Variants in OSBPL3 observed in about 807,000 individuals in gnomAD.
OSBPL3 encodes oxysterol binding protein like 3, also known as oxysterol-binding protein-related protein 3.
A neutral mutation model predicts 120.1 loss-of-function variants in OSBPL3; 65 were observed. The observed-to-expected ratio is 0.54, with a 90% CI of 0.44 to 0.67. The LOEUF (loss-of-function observed/expected upper bound fraction) is 0.67, where lower values mean the gene tolerates loss of function less well. Ranked by LOEUF, OSBPL3 falls within the 30% of genes least tolerant of loss-of-function variation. OSBPL3 has a pLI of 0.00. For synonymous variants in OSBPL3, 416 were observed against 402.6 expected (o/e 1.03, Z -0.40); for missense variants, 1,004 against 1,082.1 (o/e 0.93, Z 1.01).
Position 24,871,854 on chromosome 7 carries a change from C to A in OSBPL3, c.214-59G>T. 4 of 1,495,136 alleles carry A rather than the reference C, an allele frequency of 2.7e-6. No individual in the cohort carries two copies. Among genetic ancestry groups the A allele is most frequent in the Non-Finnish European group, 3.7e-6 (4 of 1,072,734 alleles). 92.6% of individuals were successfully genotyped at this position (1,495,136 alleles called of 1,614,324 possible). On this transcript the variant is annotated intron_variant, in intron 3 of 22. Coordinates refer to ENST00000313367, the MANE Select transcript of OSBPL3 (RefSeq NM_015550.4). The surrounding 1 kb of genome is among the most constrained non-coding windows in gnomAD (Gnocchi z 4.8). ...TCAATTTAGGTGCCCTTTTCTTGGTCTCAAATTCCAACTAGAAATTAAATA... is the reference window on the plus strand; with the variant it reads ...TCAATTTAGGTGCCCTTTTCTTGGTATCAAATTCCAACTAGAAATTAAATA...
At chr7:24,978,131 G>A (rs1428768718) in intron 1 of OSBPL3, among the ~76,000 whole-genome samples, 1 of 152,228 alleles carries the variant, frequency 6.6e-6, no homozygotes, top group East Asian at 1.9e-4. Context: ...AGGTTAACCT[G>A]CTGGACCCTC....
intron 2 of OSBPL3, among the ~76,000 whole-genome samples, chr7:24,890,298 G>C (rs1330127078): frequency 1.3e-5 from 2 of 152,166 alleles, no homozygotes; most frequent in Middle Eastern, 3.2e-3. Flanking sequence ...GAAGTTTTAA[G>C]TGTTTAACTG....
At chr7:24,825,378 A>C (rs1399139858) in intron 16 of OSBPL3, among the ~76,000 whole-genome samples, 1 of 152,210 alleles carries the variant, frequency 6.6e-6, no homozygotes, top group Non-Finnish European at 1.5e-5. Flanking sequence ...GATGCCAAGA[A>C]TTCTGGCCTG....
At chr7:24,906,775 T>C (rs903299742) in intron 1 of OSBPL3, among the ~76,000 whole-genome samples, 1 of 152,128 alleles carries the variant, frequency 6.6e-6, no homozygotes, top group Non-Finnish European at 1.5e-5. Flanking sequence ...TCTCTCCCAG[T>C]TCCATGGGCA....
rs111868671 is a variant in OSBPL3 at position 24,899,661 on chromosome 7, G to C, written c.-149-7040C>G. Reference sequence around the variant, plus strand: ...TTTAGTAACGAGAAGAGCACCAAGGGCATGGAGGTCTCTGCAGCCTGACAT... The same window carrying C: ...TTTAGTAACGAGAAGAGCACCAAGGCCATGGAGGTCTCTGCAGCCTGACAT... On this transcript the variant is annotated intron_variant, in intron 1 of 22. Coordinates refer to ENST00000313367, the MANE Select transcript of OSBPL3 (RefSeq NM_015550.4). This position sits in a 1 kb window ranked among gnomAD's most constrained non-coding sequence, Gnocchi z 4.0. Among the ~76,000 whole-genome samples, 1 of 152,060 alleles carries C rather than the reference G, an allele frequency of 6.6e-6. No homozygotes were observed. The highest frequency in any genetic ancestry group is 2.1e-4 in the South Asian group (1 of 4,824).
Position 24,806,382 on chromosome 7 carries a change from A to C in OSBPL3, c.2444+394T>G, listed in dbSNP as rs1793039911. 6.6e-6 allele frequency among the ~76,000 whole-genome samples: 1 copy of C among 152,170 alleles called. No individual in the cohort carries two copies. The highest frequency in any genetic ancestry group is 6.5e-5 in the Admixed American group (1 of 15,276). ...AAGATGAAAAGACCTACCATATATC[A>C]CACACCTTGTGAGCAGCAACCTAGA... On this transcript the variant is annotated intron_variant, in intron 21 of 22. Transcript: ENST00000313367. This position sits in a 1 kb window ranked among gnomAD's most constrained non-coding sequence, Gnocchi z 5.2.
At chr7:24,890,318 A>C (rs1179772490) in intron 2 of OSBPL3, among the ~76,000 whole-genome samples, 1 of 152,202 alleles carries the variant, frequency 6.6e-6, no homozygotes, top group Non-Finnish European at 1.5e-5. Flanking sequence ...GGTACTCTTC[A>C]GTGACGTGAC....
Position 24,834,868 on chromosome 7 carries a change from G to A in OSBPL3, c.1496-132C>T. The A allele has an allele frequency of 3.7e-6, 3 of 808,554 alleles. No homozygotes were observed. Among genetic ancestry groups the A allele is most frequent in the Non-Finnish European group, 5.5e-6 (3 of 543,910 alleles). The allele number at this position is 808,554 out of a possible 1,614,324, so 50.1% of individuals were successfully genotyped here. On this transcript the variant is annotated intron_variant, in intron 14 of 22. Transcript: ENST00000313367. This position sits in a 1 kb window ranked among gnomAD's most constrained non-coding sequence, Gnocchi z 5.2. ...AAACTCAGTTGTTCAGAGTATGGCTGAAGTCAGAAAACCGGCAAAAGAATT... is the reference window on the plus strand; with the variant it reads ...AAACTCAGTTGTTCAGAGTATGGCTAAAGTCAGAAAACCGGCAAAAGAATT...
intron 1 of OSBPL3, among the ~76,000 whole-genome samples, chr7:24,923,792 G>C (rs1027847498): frequency 6.6e-6 from 1 of 152,166 alleles, no homozygotes; most frequent in African/African-American, 2.4e-5. Flanking sequence ...TCTGTCTGCT[G>C]AGTGGGAGGC....
rs1418481575 is a variant in OSBPL3, at chr7:24,894,634, G to A, written c.-149-2013C>T. 6.6e-6 allele frequency among the ~76,000 whole-genome samples: 1 copy of A among 152,144 alleles called. No homozygotes were observed. The highest frequency in any genetic ancestry group is 1.5e-5 in the Non-Finnish European group (1 of 68,034). On this transcript the variant is annotated intron_variant, in intron 1 of 22. Coordinates refer to ENST00000313367, the MANE Select transcript of OSBPL3 (RefSeq NM_015550.4). The surrounding 1 kb of genome is among the most constrained non-coding windows in gnomAD (Gnocchi z 4.1). Reference sequence around the variant, plus strand: ...AGTGGATTAGGAATACCAGCGGAGTGTTTGTGTGTGTGTGTACAAGCTTTG... The same window carrying A: ...AGTGGATTAGGAATACCAGCGGAGTATTTGTGTGTGTGTGTACAAGCTTTG...
rs377386634 is a variant in OSBPL3, at chr7:24,833,096, G to A, written c.1746+1390C>T. ...AACACTTGCTTAGAAGCTATTTCTA[G>A]AAGATTTGCCTTCCTTTTATTCAGC... On this transcript the variant is annotated intron_variant, in intron 15 of 22. Coordinates refer to ENST00000313367, the MANE Select transcript of OSBPL3 (RefSeq NM_015550.4). The surrounding 1 kb of genome is among the most constrained non-coding windows in gnomAD (Gnocchi z 4.4). 6.6e-6 allele frequency among the ~76,000 whole-genome samples: 1 copy of A among 152,198 alleles called. No homozygotes were observed. The highest frequency in any genetic ancestry group is 2.4e-5 in the African/African-American group (1 of 41,454).
rs997914430 is a variant in OSBPL3 at position 24,866,363 on chromosome 7, C to T, written c.382-126G>A. 8.2e-5 allele frequency: 61 copies of T among 740,958 alleles called. No homozygotes were observed. In the East Asian group the frequency reaches 1.4e-3, roughly 16 times the overall value. The allele number at this position is 740,958 out of a possible 1,614,324, so 45.9% of individuals were successfully genotyped here. On this transcript the variant is annotated intron_variant, in intron 5 of 22. Transcript: ENST00000313367. ...TTGGCACGTAATTTCAACAGCCAGG[C>T]GCAGTGGCTGATGCCTGTAATTCCA...
At chr7:24,838,907 C>T (rs1037369303) in intron 14 of OSBPL3, among the ~76,000 whole-genome samples, 1 of 152,188 alleles carries the variant, frequency 6.6e-6, no homozygotes, top group African/African-American at 2.4e-5. Flanking sequence ...GTTCTTAGAC[C>T]TTTCCACTAA....
chr7:24,918,209 T>A lies in OSBPL3; in HGVS notation c.-149-25588A>T. ...CAAGAGAGTCATGAGAAACTGACCATCACATAAACACCATAGCAATGTTCA... is the reference window on the plus strand; with the variant it reads ...CAAGAGAGTCATGAGAAACTGACCAACACATAAACACCATAGCAATGTTCA... On this transcript the variant is annotated intron_variant, in intron 1 of 22. Transcript: ENST00000313367. The surrounding 1 kb of genome is among the most constrained non-coding windows in gnomAD (Gnocchi z 4.3). 1.8e-5 allele frequency: 4 copies of A among 224,572 alleles called. No homozygotes were observed. The highest frequency in any genetic ancestry group is 3.0e-5 in the Non-Finnish European group (4 of 134,286). The allele number at this position is 224,572 out of a possible 1,614,324, so 13.9% of individuals were successfully genotyped here.
chr7:24,880,975 TCA>T (rs973720830), intron 2 of OSBPL3, among the ~76,000 whole-genome samples: 1 of 152,212 alleles, frequency 6.6e-6, no homozygotes, highest in African/African-American at 2.4e-5. Context: ...CAGAAGAGAA[TCA>T]CAGACTCTGC....
In OSBPL3 at chr7:24,845,384, T is replaced by TAAAAAAAAAAAAAAAA. The variant is rs34559902; in HGVS notation, c.1267-2987_1267-2972dup. Among the ~76,000 whole-genome samples the TAAAAAAAAAAAAAAAA allele has an allele frequency of 3.5e-4, 22 of 62,264 alleles. 1 individual carries two copies. Among genetic ancestry groups the TAAAAAAAAAAAAAAAA allele is most frequent in the African/African-American group, 9.9e-4 (15 of 15,218 alleles). 40.8% of individuals were successfully genotyped at this position (62,264 alleles called of 152,430 possible). Reference sequence around the variant, plus strand: ...GAATTTACAAATATTGCAAAATAAGTAAAAAAAAAAAAAAAAAAAAAAAAA... The same window carrying TAAAAAAAAAAAAAAAA: ...GAATTTACAAATATTGCAAAATAAGTAAAAAAAAAAAAAAAAAAAAAAAAAAAAAAAAAAAAAAAAA... On this transcript the variant is annotated intron_variant, in intron 12 of 22. Transcript: ENST00000313367.
chr7:24,812,827 A>C (rs1794004432), intron 19 of OSBPL3, among the ~76,000 whole-genome samples: 1 of 152,206 alleles, frequency 6.6e-6, no homozygotes, highest in Admixed American at 6.5e-5. Flanking sequence ...CAGCCATGTA[A>C]GAATGAAGGA....
Position 24,827,721 on chromosome 7 carries a change from C to A in OSBPL3, c.1884+3047G>T, listed in dbSNP as rs1003625516. Among the ~76,000 whole-genome samples, 2 of 152,192 alleles carry A rather than the reference C, an allele frequency of 1.3e-5. No individual in the cohort carries two copies. The highest frequency in any genetic ancestry group is 2.9e-5 in the Non-Finnish European group (2 of 68,036). On this transcript the variant is annotated intron_variant, in intron 16 of 22. Coordinates refer to ENST00000313367, the MANE Select transcript of OSBPL3 (RefSeq NM_015550.4). The surrounding 1 kb of genome is among the most constrained non-coding windows in gnomAD (Gnocchi z 5.1). ...TCCATTCTTAGGTATATTAAAATAA[C>A]CAACTATCTGCAGCCATCAGGCTAA... is the stretch of plus-strand genomic sequence containing the variant.
At chr7:24,816,451 T>G (rs1448876648) in intron 18 of OSBPL3, among the ~76,000 whole-genome samples, 159 bp downstream of exon 18, 1 of 150,906 alleles carries the variant, frequency 6.6e-6, no homozygotes, top group Non-Finnish European at 1.5e-5. Flanking sequence ...AAAGTGAGCT[T>G]GCCAAAAGGA....
Sources: gnomAD v4.1 joint callset for allele counts (sites outside exome capture counted in the v4.1 genomes callset) on GRCh38, gnomAD v4.1.1 for gene constraint, Gnocchi (gnomAD v3.1) non-coding constraint, MANE v1.5 for transcripts, NCBI Gene and HGNC (gene_info 2026-07-23, HGNC 2026-07-21) for gene names.